The following ANKRD26 variants were observed in gnomAD, a reference collection of about 807,000 sequenced individuals.
The protein encoded by ANKRD26 is ankyrin repeat domain-containing protein 26.
ANKRD26 carries 141 observed loss-of-function variants against 208.7 expected under a neutral mutation model. The observed-to-expected ratio is 0.68, with a 90% CI of 0.59 to 0.78. The LOEUF is 0.78. ANKRD26 is among the 30% of genes least tolerant of loss of function. The pLI, the probability that ANKRD26 is intolerant of heterozygous loss-of-function variation, is 0.00. For synonymous variants in ANKRD26, 636 were observed against 660.4 expected (o/e 0.96, Z 0.57); for missense variants, 1,889 against 1,938.7 (o/e 0.97, Z 0.48).
chr10:26,992,469 TACACACACACACACACACAC>T (rs61459601), intron 5 of ANKRD26, among the ~76,000 whole-genome samples: 5 of 136,310 alleles, frequency 3.7e-5, no homozygotes, highest in African/African-American at 5.2e-5. Flanking sequence ...TACACACACG[TACACACACACACACACACAC>T]ACACACACAC....
chr10:26,949,964 A>G, the ANKRD26 span, among the ~76,000 whole-genome samples: 1 of 152,198 alleles, frequency 6.6e-6, no homozygotes, highest in Non-Finnish European at 1.5e-5. Flanking sequence ...TATGATTGAA[A>G]AAACCAGATT....
intron 4 of ANKRD26, among the ~76,000 whole-genome samples, chr10:26,996,485 C>T (rs1294071385): frequency 2.0e-5 from 3 of 152,146 alleles, no homozygotes; most frequent in African/African-American, 2.4e-5. Context: ...ACTTGAACCA[C>T]GGAGTCAGAG....
At chr10:26,962,983 T>C in the ANKRD26 span, among the ~76,000 whole-genome samples, 1 of 152,184 alleles carries the variant, frequency 6.6e-6, no homozygotes, top group South Asian at 2.1e-4. Flanking sequence ...TATTTAACTC[T>C]TGCTGCAACC....
At chr10:27,029,103 G>A (rs775681582) in intron 26 of ANKRD26, among the ~76,000 whole-genome samples, 158 bp from the exon 27 acceptor site, 14 of 152,020 alleles carry the variant, frequency 9.2e-5, no homozygotes, top group Non-Finnish European at 1.5e-4. Flanking sequence ...TGTGGTTTGT[G>A]GATAATGCAC....
At chr10:27,055,206 A>G (rs1406653747) in intron 15 of ANKRD26, among the ~76,000 whole-genome samples, 2 of 152,196 alleles carry the variant, frequency 1.3e-5, no homozygotes, top group African/African-American at 4.8e-5. Flanking sequence ...GAAGTGAAAC[A>G]ATCTACAGGC....
At chr10:26,996,121 T>A (rs1219410696) in intron 4 of ANKRD26, among the ~76,000 whole-genome samples, 1 of 152,206 alleles carries the variant, frequency 6.6e-6, no homozygotes, top group East Asian at 1.9e-4. Flanking sequence ...CTAAATATTA[T>A]GATATTGTTT....
chr10:27,021,870 T>C (rs555637952), intron 29 of ANKRD26, among the ~76,000 whole-genome samples: 6 of 152,172 alleles, frequency 3.9e-5, no homozygotes, highest in African/African-American at 1.2e-4. Context: ...ATTCATCTCC[T>C]TTGCCCACTT....
chr10:27,018,141 ATTTTTTTT>A, intron 29 of ANKRD26, among the ~76,000 whole-genome samples: 1 of 131,162 alleles, frequency 7.6e-6, no homozygotes, highest in African/African-American at 2.9e-5. Context: ...ATGCCCTATA[ATTTTTTTT>A]TTTTTTTTTT....
At chr10:26,967,743 T>C in the ANKRD26 span, among the ~76,000 whole-genome samples, 6 of 152,274 alleles carry the variant, frequency 3.9e-5, no homozygotes, top group East Asian at 7.7e-4. Context: ...ATATTGTGAG[T>C]GCTTCCACCA....
At chr10:26,999,827 A>C (rs1266671424), downstream of ANKRD26, among the ~76,000 whole-genome samples, 1 of 147,140 alleles carries the variant, frequency 6.8e-6, no homozygotes, top group Admixed American at 6.8e-5. Flanking sequence ...AAAAAAAAAA[A>C]CCCAACAAAA....
chr10:27,079,239 T>C, intron 6 of ANKRD26, 78 bp from the exon 7 acceptor site: 4 of 1,259,024 alleles, frequency 3.2e-6, no homozygotes, highest in Non-Finnish European at 4.6e-6. Context: ...CAATTTTCAA[T>C]CTGGATGCCC....
In ANKRD26 at chr10:27,035,441, T is replaced by A; in HGVS notation, c.3009A>T (p.Glu1003Asp). 1 of 1,614,064 alleles carries A rather than the reference T, an allele frequency of 6.2e-7. No homozygotes were observed. Residue 1003 changes from glutamate to aspartate, a missense_variant, in exon 24 of 34, where the codon GAA becomes GAT. Physicochemically the swap from Glu to Asp is conservative, Grantham distance 45. This residue lies in a region of ANKRD26 where 1,272 missense variants were observed against 1,273.8 expected (regional missense o/e 1.00). Transcript: ENST00000376087. ...TAGAATGGTATGATTCAACTTCTGCTTCCAGTCTTTCCTTGCTTTGCTTTT... is the reference window on the plus strand; with the variant it reads ...TAGAATGGTATGATTCAACTTCTGCATCCAGTCTTTCCTTGCTTTGCTTTT... The part of the protein sequence containing the change: ...ENEKQSKERL[E>D]AEVESYHSRL...
intron 15 of ANKRD26, among the ~76,000 whole-genome samples, chr10:27,060,077 G>A (rs1297020708): frequency 6.6e-6 from 1 of 151,610 alleles, no homozygotes; most frequent in Non-Finnish European, 1.5e-5. Flanking sequence ...ATGCACACCT[G>A]TAATCCCAGC....
chr10:26,969,373 G>T (rs903450274), downstream of ANKRD26, among the ~76,000 whole-genome samples: 3 of 152,324 alleles, frequency 2.0e-5, no homozygotes, highest in East Asian at 5.8e-4. Flanking sequence ...GGCAAGGCTG[G>T]AGAGGAGGCA....
At chr10:26,977,038 T>C (rs113962778) in intron 5 of ANKRD26, among the ~76,000 whole-genome samples, 3,485 of 152,186 alleles carry the variant, frequency 0.023, 139 homozygotes, top group African/African-American at 0.08. Flanking sequence ...TATCAAACCG[T>C]CCCCACCCCC....
At chr10:26,995,199 T>C (rs890864542) in intron 4 of ANKRD26, 1 of 470,770 alleles carries the variant, frequency 2.1e-6, no homozygotes. Flanking sequence ...TGATAATATT[T>C]GGAGATAAAA....
At chr10:27,081,960 T>A (rs950386966) in intron 6 of ANKRD26, among the ~76,000 whole-genome samples, 7 of 150,658 alleles carry the variant, frequency 4.6e-5, no homozygotes, top group African/African-American at 4.9e-5. Flanking sequence ...CTGGTCTCGA[T>A]CTCCTGACTT....
intron 20 of ANKRD26, among the ~76,000 whole-genome samples, chr10:27,042,710 G>A (rs1277460069): frequency 2.0e-5 from 3 of 149,218 alleles, no homozygotes; most frequent in Non-Finnish European, 3.0e-5. Context: ...CGGAGATCGC[G>A]CCACTGCACT....
At chr10:27,087,527 T>C (rs935916330) in intron 4 of ANKRD26, among the ~76,000 whole-genome samples, 2 of 152,262 alleles carry the variant, frequency 1.3e-5, no homozygotes, top group African/African-American at 4.8e-5. Context: ...CTATTCTTTG[T>C]GGTTTCCAAT....
Sources: allele counts gnomAD v4.1 joint callset (sites outside exome capture counted in the v4.1 genomes callset), GRCh38; gene constraint gnomAD v4.1.1; regional missense constraint gnomAD v4.1.1; transcripts MANE v1.5; gene names NCBI Gene and HGNC (gene_info 2026-07-23, HGNC 2026-07-21).